Variants in ABLIM1 observed in about 807,000 individuals in gnomAD.
The protein encoded by ABLIM1 is actin-binding LIM protein 1.
Under a neutral mutation model 107.0 loss-of-function variants are expected in ABLIM1, and 40 were observed. The ratio of observed to expected loss-of-function variants is 0.37; its 90% confidence interval spans 0.29 to 0.49. ABLIM1 has a LOEUF of 0.49. ABLIM1 is among the 20% of genes least tolerant of loss of function. The pLI is 0.97. For synonymous variants in ABLIM1, 357 were observed against 357.3 expected (o/e 1.00, Z 0.01); for missense variants, 857 against 1,008.5 (o/e 0.85, Z 2.04).
At chr10:114,682,502 A>G (rs2080790085) in intron 1 of ABLIM1, among the ~76,000 whole-genome samples, 1 of 152,214 alleles carries the variant, frequency 6.6e-6, no homozygotes, top group Admixed American at 6.5e-5. Context: ...AAGCTAATTA[A>G]AAGTATTGCC....
intron 1 of ABLIM1, among the ~76,000 whole-genome samples, chr10:114,728,824 A>C (rs143211435): frequency 0.011 from 1,697 of 152,254 alleles, 112 homozygotes; most frequent in Admixed American, 0.1. Flanking sequence ...TTTATTTCTT[A>C]AAACAATCTG....
At chr10:114,557,291 C>A (rs1198583470) in intron 4 of ABLIM1, among the ~76,000 whole-genome samples, 1 of 152,184 alleles carries the variant, frequency 6.6e-6, no homozygotes, top group Non-Finnish European at 1.5e-5. Flanking sequence ...AAAGCCAGGG[C>A]AAGCCTCTGA....
At position 114,434,601 on chromosome 10, in the gene ABLIM1, T is replaced by G. The variant is rs1438489173; in HGVS notation, c.*1659A>C. On this transcript the variant is annotated 3_prime_UTR_variant, in exon 23 of 23. Transcript: ENST00000533213. The stretch of plus-strand genomic sequence containing the variant: ...TTTTGTTCTTAGTGGCATATGAAGG[T>G]AAATTCAAATGTTTTCTTCTTCGGC... 2.0e-5 allele frequency: 3 copies of G among 152,170 alleles called. No individual in the cohort carries two copies. The highest frequency in any genetic ancestry group is 7.2e-5 in the African/African-American group (3 of 41,442). 9.4% of individuals were successfully genotyped at this position (152,170 alleles called of 1,614,324 possible). A position where few individuals can be genotyped will look rare whatever the true frequency, so the allele number is the denominator to read the frequency against.
At position 114,678,908 on chromosome 10, in the gene ABLIM1, A is replaced by G. The variant is rs114322273; in HGVS notation, c.64+5382T>C. ...TCAGTGCATGTCTATTCATGCCAAT[A>G]CCACTGGTACTGCATAGAAGCTATG... On this transcript the variant is annotated intron_variant, in intron 1 of 23. Coordinates refer to the ABLIM1 transcript ENST00000369256. 3.5e-3 allele frequency among the ~76,000 whole-genome samples: 528 copies of G among 152,318 alleles called. 3 individuals are homozygous for G. Among genetic ancestry groups the G allele is most frequent in the African/African-American group, 0.012 (502 of 41,564 alleles).
At chr10:114,735,338 G>A (rs910448825) in intron 1 of ABLIM1, among the ~76,000 whole-genome samples, 6 of 152,142 alleles carry the variant, frequency 3.9e-5, no homozygotes, top group African/African-American at 1.4e-4. Flanking sequence ...CTAGTGAAAT[G>A]TCCTTTATTT....
intron 1 of ABLIM1, among the ~76,000 whole-genome samples, chr10:114,650,074 C>G (rs1591732998): frequency 6.6e-6 from 1 of 152,180 alleles, no homozygotes; most frequent in Non-Finnish European, 1.5e-5. Flanking sequence ...CCAGGCTGGT[C>G]TCGACCTCCT....
rs2078333649 is a variant in ABLIM1, at chr10:114,634,046, C to A, written c.244+23911G>T. Among the ~76,000 whole-genome samples, 2 of 148,806 alleles carry A rather than the reference C, an allele frequency of 1.3e-5. 1 individual carries two copies. The highest frequency in any genetic ancestry group is 4.4e-4 in the South Asian group (2 of 4,590). On this transcript the variant is annotated intron_variant, in intron 1 of 22. Coordinates refer to ENST00000533213, the MANE Select transcript of ABLIM1 (RefSeq NM_002313.7). ...CCCCTTCCTTGCTACTATAATGTGA[C>A]AGTAAAACACCATTGGTTTCTAGAG...
chr10:114,564,112 C>T (rs2138441306), intron 4 of ABLIM1, among the ~76,000 whole-genome samples: 1 of 151,680 alleles, frequency 6.6e-6, no homozygotes, highest in East Asian at 1.9e-4. Context: ...TTCATCTGGT[C>T]ATCCTCTAGG....
At chr10:114,761,541 A>C (rs540756044) in intron 1 of ABLIM1, among the ~76,000 whole-genome samples, 1 of 152,274 alleles carries the variant, frequency 6.6e-6, no homozygotes, top group East Asian at 1.9e-4. Context: ...TGGGAAGAAC[A>C]GAGCCCTCCT....
chr10:114,658,051 G>A lies in ABLIM1; in HGVS notation c.150C>T (p.Thr50=), dbSNP rs145336243. 165 of 1,614,206 alleles carry A rather than the reference G, an allele frequency of 1.0e-4. 2 individuals are homozygous for A. The African/African-American group carries it at 1.8e-3, about 17-fold the overall frequency. ...EDRRVSGTSF[T]AHRRATITHL... is the part of the protein sequence containing the mutation. ...GAGTGATAGTGGCACGCCTATGAGC[G>A]GTGAAGGAGGTCCCAGAGACCCTCC... The change falls in exon 1 of 23, where the codon ACC becomes ACT. Residue 50 remains threonine, a synonymous_variant. Coordinates refer to ENST00000533213, the MANE Select transcript of ABLIM1 (RefSeq NM_002313.7).
intron 6 of ABLIM1, among the ~76,000 whole-genome samples, chr10:114,521,547 G>C (rs1217755228): frequency 6.6e-6 from 1 of 152,186 alleles, no homozygotes; most frequent in East Asian, 1.9e-4. Context: ...GTGGGTGTGG[G>C]GAGAAAATTC....
Position 114,432,731 on chromosome 10 carries a change from G to T in ABLIM1, c.*3529C>A, listed in dbSNP as rs2058984170. 6.6e-6 allele frequency: 1 copy of T among 152,094 alleles called. No individual in the cohort carries two copies. The highest frequency in any genetic ancestry group is 1.5e-5 in the Non-Finnish European group (1 of 68,036). 9.4% of individuals were successfully genotyped at this position (152,094 alleles called of 1,614,324 possible). A position where few individuals can be genotyped will look rare whatever the true frequency, so the allele number is the denominator to read the frequency against. Reference sequence around the variant, plus strand: ...CTCAGAAGAGGAAACTCAGCTTGGAGATGACAGAATTGGGTAGCGGAGTAG... The same window carrying T: ...CTCAGAAGAGGAAACTCAGCTTGGATATGACAGAATTGGGTAGCGGAGTAG... On this transcript the variant is annotated 3_prime_UTR_variant, in exon 23 of 23. Coordinates refer to ENST00000533213, the MANE Select transcript of ABLIM1 (RefSeq NM_002313.7).
intron 2 of ABLIM1, among the ~76,000 whole-genome samples, chr10:114,584,365 G>C (rs141264413): frequency 6.6e-6 from 1 of 152,106 alleles, no homozygotes; most frequent in Non-Finnish European, 1.5e-5. Context: ...CAAGATGTTA[G>C]TCTATTCATC....
chr10:114,792,210 A>G, the ABLIM1 span, among the ~76,000 whole-genome samples: 1 of 152,128 alleles, frequency 6.6e-6, no homozygotes, highest in African/African-American at 2.4e-5. Context: ...AGTCCCAACT[A>G]TTTAGGAGGC....
chr10:114,801,314 A>G, the ABLIM1 span, among the ~76,000 whole-genome samples: 1 of 152,192 alleles, frequency 6.6e-6, no homozygotes, highest in Non-Finnish European at 1.5e-5. Flanking sequence ...CATGTATTAA[A>G]TGGAAGTGGA....
chr10:114,673,022 C>T (rs960964328), intron 1 of ABLIM1, among the ~76,000 whole-genome samples: 1 of 152,104 alleles, frequency 6.6e-6, no homozygotes, highest in Non-Finnish European at 1.5e-5. Context: ...CTTTGGGAGG[C>T]TGAGGCAGGT....
intron 1 of ABLIM1, among the ~76,000 whole-genome samples, chr10:114,761,021 AAC>A (rs1208342822): frequency 6.6e-6 from 1 of 152,196 alleles, no homozygotes; most frequent in Non-Finnish European, 1.5e-5. Context: ...AGAGAGGAGA[AAC>A]TGTAGTTGAT....
At chr10:114,522,244 C>T (rs1051516253) in intron 6 of ABLIM1, among the ~76,000 whole-genome samples, 2 of 152,216 alleles carry the variant, frequency 1.3e-5, no homozygotes, top group African/African-American at 2.4e-5. Flanking sequence ...CCCAGTCGAA[C>T]ACATGTTTTC....
intron 4 of ABLIM1, among the ~76,000 whole-genome samples, chr10:114,556,838 T>C (rs2483541): frequency 0.37 from 56,684 of 152,026 alleles, 13,900 homozygotes; most frequent in African/African-American, 0.7. Flanking sequence ...CTCAAATGAG[T>C]CCACAATTTT....
Sources: allele counts gnomAD v4.1 joint callset (sites outside exome capture counted in the v4.1 genomes callset), GRCh38; gene constraint gnomAD v4.1.1; transcripts MANE v1.5; gene names NCBI Gene and HGNC (gene_info 2026-07-23, HGNC 2026-07-21).